The following ERC1 variants were observed in gnomAD, a reference collection of about 807,000 sequenced individuals.
ERC1 encodes ELKS/RAB6-interacting/CAST family member 1, also known as RAB6 interacting protein 2.
ERC1 carries 56 observed loss-of-function variants against 132.0 expected under a neutral mutation model. The ratio of observed to expected loss-of-function variants is 0.42; its 90% CI spans 0.34 to 0.53. ERC1 has a LOEUF of 0.53. Among genes scored for constraint, ERC1 ranks in the 20% least tolerant of loss-of-function variants. The probability of loss-of-function intolerance (pLI) is 0.03; values close to 1 mark genes in which losing one functional copy is unlikely to be tolerated. For missense variants in ERC1, 1,202 were observed against 1,349.9 expected, an observed-to-expected ratio of 0.89 and a Z score of 1.72; for synonymous variants, 478 against 476.1, an observed-to-expected ratio of 1.00 and a Z score of -0.05.
At chr12:1,041,055 T>C (rs1176105248) in intron 2 of ERC1, among the ~76,000 whole-genome samples, 1 of 152,180 alleles carries the variant, frequency 6.6e-6, no homozygotes, top group Non-Finnish European at 1.5e-5. Flanking sequence ...CCCAAGCAGC[T>C]TTTGTTTATG....
At chr12:1,149,444 G>A (rs941316268) in intron 8 of ERC1, among the ~76,000 whole-genome samples, 1 of 152,282 alleles carries the variant, frequency 6.6e-6, no homozygotes, top group Middle Eastern at 3.4e-3. Flanking sequence ...TGTTGCCCAG[G>A]CTGGAATGCA....
At chr12:1,424,793 TGATA>T (rs139054161) in intron 17 of ERC1, among the ~76,000 whole-genome samples, 19,710 of 110,014 alleles carry the variant, frequency 0.18, 2,206 homozygotes, top group Middle Eastern at 0.19. Flanking sequence ...GAGCTTGAGA[TGATA>T]GATAGATAGA....
At chr12:1,226,694 T>G (rs1341211478) in intron 12 of ERC1, among the ~76,000 whole-genome samples, 1 of 152,182 alleles carries the variant, frequency 6.6e-6, no homozygotes, top group Admixed American at 6.5e-5. Flanking sequence ...TTGTTCTTGT[T>G]TCGAAACAGT....
At chr12:1,015,166 T>C (rs1018896232) in intron 1 of ERC1, among the ~76,000 whole-genome samples, 7 of 151,972 alleles carry the variant, frequency 4.6e-5, no homozygotes, top group Non-Finnish European at 7.4e-5. Flanking sequence ...CCTCCGGAGT[T>C]CAGGCAATCC....
chr12:1,101,901 C>T (rs953430988), intron 3 of ERC1, among the ~76,000 whole-genome samples: 1 of 152,186 alleles, frequency 6.6e-6, no homozygotes, highest in African/African-American at 2.4e-5. Context: ...GCCTGTGCTT[C>T]ATGGTGATGT....
At chr12:1,194,446 T>G (rs963017609) in intron 12 of ERC1, among the ~76,000 whole-genome samples, 1 of 150,726 alleles carries the variant, frequency 6.6e-6, no homozygotes. Context: ...TAAAATAAAA[T>G]AAATTAAATA....
chr12:1,405,597 G>T (rs1358614772), intron 16 of ERC1, among the ~76,000 whole-genome samples: 1 of 152,102 alleles, frequency 6.6e-6, no homozygotes, highest in Non-Finnish European at 1.5e-5. Context: ...CAGCTACTCG[G>T]GAGGCTGAGG....
At chr12:1,250,455 T>C (rs2076402751) in intron 13 of ERC1, among the ~76,000 whole-genome samples, 1 of 152,232 alleles carries the variant, frequency 6.6e-6, no homozygotes, top group African/African-American at 2.4e-5. Context: ...ATATCTGCCA[T>C]AAGTGAAGAA....
intron 18 of ERC1, among the ~76,000 whole-genome samples, chr12:1,484,109 T>A (rs1272933808): frequency 1.3e-5 from 2 of 150,968 alleles, no homozygotes; most frequent in Non-Finnish European, 1.5e-5. Flanking sequence ...ATCAAGACCT[T>A]CCTGGCTAAC....
At chr12:1,200,227 T>C (rs906099865) in intron 12 of ERC1, among the ~76,000 whole-genome samples, 1 of 152,206 alleles carries the variant, frequency 6.6e-6, no homozygotes, top group Non-Finnish European at 1.5e-5. Context: ...TAGGATGATA[T>C]TACCAATTTT....
intron 18 of ERC1, among the ~76,000 whole-genome samples, chr12:1,452,978 C>T (rs2093457150): frequency 6.6e-6 from 1 of 152,068 alleles, no homozygotes; most frequent in Non-Finnish European, 1.5e-5. Flanking sequence ...TCTGTGGTGC[C>T]GATGTTTCTG....
chr12:1,189,107 C>T (rs774541495), intron 11 of ERC1, among the ~76,000 whole-genome samples: 5 of 151,984 alleles, frequency 3.3e-5, no homozygotes, highest in Admixed American at 6.6e-5. Context: ...GAGATGGGGC[C>T]TTGCTGTGTT....
intron 14 of ERC1, among the ~76,000 whole-genome samples, chr12:1,271,246 G>C (rs1432949436): frequency 6.6e-6 from 1 of 152,200 alleles, no homozygotes; most frequent in Non-Finnish European, 1.5e-5. Context: ...CTATGCAAGA[G>C]GTTGGGCAGA....
At chr12:1,388,012 G>GGA (rs2089559354) in intron 16 of ERC1, among the ~76,000 whole-genome samples, 1 of 151,940 alleles carries the variant, frequency 6.6e-6, no homozygotes. Flanking sequence ...GACAGCCTCG[G>GGA]GGCAGAAGAG....
chr12:1,322,588 AG>A (rs921294808), intron 15 of ERC1, among the ~76,000 whole-genome samples: 1 of 152,158 alleles, frequency 6.6e-6, no homozygotes, highest in Non-Finnish European at 1.5e-5. Flanking sequence ...CATGCCAGAG[AG>A]GGGTATGTTG....
intron 13 of ERC1, among the ~76,000 whole-genome samples, chr12:1,255,056 C>A (rs2076703504): frequency 6.6e-6 from 1 of 151,806 alleles, no homozygotes; most frequent in South Asian, 2.1e-4. Flanking sequence ...AACCTGTCAC[C>A]TACATTAGCT....
In ERC1 at chr12:1,164,067, A is replaced by G. The variant is rs186748273; in HGVS notation, c.1738-16473A>G. Among the ~76,000 whole-genome samples the G allele has an allele frequency of 2.0e-4, 31 of 152,150 alleles. No individual in the cohort carries two copies. The East Asian group carries it at 5.6e-3, about 28-fold the overall frequency. ...GCAGGTGCCTTGGGTTCCTCGTGGC[A>G]TGGGGAAAGTAGTCACACTTCTAAT... On this transcript the variant is annotated intron_variant, in intron 8 of 18. Coordinates refer to ENST00000360905, the MANE Select transcript of ERC1 (RefSeq NM_178040.4).
At chr12:1,036,695 AG>A (rs1393954593) in intron 2 of ERC1, among the ~76,000 whole-genome samples, 13 of 152,212 alleles carry the variant, frequency 8.5e-5, no homozygotes, top group Non-Finnish European at 1.3e-4. Context: ...CTTTGTCATG[AG>A]GTTGCTAGTT....
intron 15 of ERC1, among the ~76,000 whole-genome samples, chr12:1,292,279 G>A (rs1277064603): frequency 6.6e-6 from 1 of 152,096 alleles, no homozygotes; most frequent in Non-Finnish European, 1.5e-5. Flanking sequence ...GAGCTCTTTG[G>A]TTTCATTGAG....
Sources: allele counts gnomAD v4.1 joint callset (sites outside exome capture counted in the v4.1 genomes callset), GRCh38; gene constraint gnomAD v4.1.1; transcripts MANE v1.5; gene names NCBI Gene and HGNC (gene_info 2026-07-23, HGNC 2026-07-21).